EHD4: variants seen among roughly 807,000 people sequenced by gnomAD.
The protein encoded by EHD4 is EH domain containing 4, also known as EH domain-containing protein 4.
Under a neutral mutation model 51.0 loss-of-function variants are expected in EHD4, and 37 were observed. That is an observed-to-expected ratio of 0.73 (90% confidence interval 0.56 to 0.95). The LOEUF (loss-of-function observed/expected upper bound fraction) is 0.95, where lower values mean the gene tolerates loss of function less well. Among genes scored for constraint, EHD4 ranks in the 40% least tolerant of loss-of-function variants. EHD4 has a pLI of 0.00. For missense variants in EHD4, 632 were observed against 733.1 expected (o/e 0.86, Z 1.59); for synonymous variants, 297 against 317.3 (o/e 0.94, Z 0.68).
At chr15:41,912,307 G>A (rs1298289645) in intron 4 of EHD4, among the ~76,000 whole-genome samples, 1 of 152,104 alleles carries the variant, frequency 6.6e-6, no homozygotes, top group African/African-American at 2.4e-5. Flanking sequence ...CTCCTGTTAC[G>A]CTGCCTCTGC....
At position 41,919,598 on chromosome 15, in the gene EHD4, T is replaced by C; in HGVS notation, c.536A>G (p.Gln179Arg). 1.3e-6 allele frequency: 2 copies of C among 1,515,106 alleles called. No individual in the cohort carries two copies. The highest frequency in any genetic ancestry group is 1.8e-6 in the Non-Finnish European group (2 of 1,132,706). 93.9% of individuals were successfully genotyped at this position (1,515,106 alleles called of 1,614,324 possible). ...SRGYDFCQVLQWFAERVDRII... is the reference protein window; with the variant it reads ...SRGYDFCQVLRWFAERVDRII... ...CCTGTCCACCCTCTCGGCAAACCAC[T>C]GCAGGACCTGGCAGAAGTCATAGCC... Residue 179 changes from glutamine to arginine, a missense_variant, in exon 4 of 6, where the codon CAG becomes CGG. Gln to Arg is a conservative substitution (Grantham distance 43, BLOSUM62 1). Coordinates refer to ENST00000220325, the MANE Select transcript of EHD4 (RefSeq NM_139265.4).
rs142090451 is a variant in EHD4 at position 41,945,512 on chromosome 15, C to T, written c.414-2348G>A. On this transcript the variant is annotated intron_variant, in intron 2 of 5. Transcript: ENST00000220325. ...GAGGATGAGGAGCAGCAGGTGGAGG[C>T]GGAGGGAGAGCTTTGGCTGGGGCAC... Among the ~76,000 whole-genome samples, 554 of 152,188 alleles carry T rather than the reference C, an allele frequency of 3.6e-3. 4 individuals carry two copies. The highest frequency in any genetic ancestry group is 0.013 in the African/African-American group (538 of 41,510).
intron 3 of EHD4, among the ~76,000 whole-genome samples, chr15:41,931,477 C>A (rs1175722955): frequency 6.6e-6 from 1 of 152,096 alleles, no homozygotes; most frequent in East Asian, 1.9e-4. Flanking sequence ...CGTGCCACTG[C>A]ACTTCAGCCT....
chr15:41,959,863 G>A (rs765899267), intron 1 of EHD4, among the ~76,000 whole-genome samples: 4 of 151,818 alleles, frequency 2.6e-5, no homozygotes, highest in Non-Finnish European at 4.4e-5. Flanking sequence ...CCAGCTACTC[G>A]GGAGGATGAG....
chr15:41,952,994 C>A (rs78326214), intron 2 of EHD4, among the ~76,000 whole-genome samples: 8 of 102,942 alleles, frequency 7.8e-5, no homozygotes, highest in East Asian at 2.6e-4. Flanking sequence ...TATCTTCCCC[C>A]CCGCAAAAAA....
chr15:41,925,913 G>T (rs570095306), intron 3 of EHD4, among the ~76,000 whole-genome samples: 22 of 152,312 alleles, frequency 1.4e-4, no homozygotes, highest in Admixed American at 1.2e-3. Context: ...TGGCATAAGG[G>T]GTTAGAACAG....
chr15:41,925,083 T>C lies in EHD4; in HGVS notation c.512-5461A>G, dbSNP rs114360991. Among the ~76,000 whole-genome samples the C allele has an allele frequency of 4.6e-3, 681 of 147,884 alleles. 4 individuals carry two copies. Among genetic ancestry groups the C allele is most frequent in the African/African-American group, 0.016 (652 of 40,570 alleles). On this transcript the variant is annotated intron_variant, in intron 3 of 5. Transcript: ENST00000220325. ...TCAAAAAAAAAAAAAAAGGTGCATT[T>C]AATCATATGTTATACTTCAACAAAA... is the stretch of plus-strand genomic sequence containing the variant.
At chr15:41,913,075 A>T (rs2067560332) in intron 4 of EHD4, among the ~76,000 whole-genome samples, 1 of 152,152 alleles carries the variant, frequency 6.6e-6, no homozygotes, top group South Asian at 2.1e-4. Flanking sequence ...AGGGTCCTTT[A>T]TTCTCCCTTT....
In EHD4 at chr15:41,900,692, G is replaced by C. The variant is rs145578237; in HGVS notation, c.1579C>G (p.His527Asp). ...TTCCTGTGCGAGGGGGGCACGAGGT[G>C]GGGGGGCAGGCTGCTGGGCAGCTCG... Reference protein sequence around the residue: ...GYELPSSLPPHLVPPSHRKSL... With the variant: ...GYELPSSLPPDLVPPSHRKSL... The change falls in exon 6 of 6, where the codon CAC becomes GAC. Residue 527 changes from histidine (H) to aspartate (D), a missense_variant. Transcript: ENST00000220325. This position sits in a 1 kb window ranked among gnomAD's most constrained non-coding sequence, Gnocchi z 4.8. The C allele has an allele frequency of 5.6e-6, 9 of 1,605,348 alleles. No homozygotes were observed. Among genetic ancestry groups the C allele is most frequent in the East Asian group, 2.2e-5 (1 of 44,826 alleles).
intron 1 of EHD4, among the ~76,000 whole-genome samples, chr15:41,969,205 G>A (rs565827409): frequency 6.6e-6 from 1 of 152,270 alleles, no homozygotes; most frequent in African/African-American, 2.4e-5. Context: ...AAGTTTTCTG[G>A]GGAGAGGGAA....
chr15:41,931,402 A>T (rs2067697261), intron 3 of EHD4, among the ~76,000 whole-genome samples: 1 of 152,062 alleles, frequency 6.6e-6, no homozygotes, highest in African/African-American at 2.4e-5. Flanking sequence ...AGTCCCAGCT[A>T]CTCAGGAGGC....
intron 3 of EHD4, among the ~76,000 whole-genome samples, chr15:41,930,829 T>TA (rs894127596): frequency 9.2e-5 from 14 of 152,168 alleles, no homozygotes; most frequent in Non-Finnish European, 2.9e-5. Flanking sequence ...GGGCTCCTTA[T>TA]AAAAAAATGA....
intron 4 of EHD4, among the ~76,000 whole-genome samples, chr15:41,910,751 T>C (rs1277185391): frequency 6.6e-6 from 1 of 152,144 alleles, no homozygotes; most frequent in African/African-American, 2.4e-5. Flanking sequence ...GTATTTTTAG[T>C]AGAGACGGGG....
At chr15:41,905,135 C>A (rs191233811) in intron 5 of EHD4, among the ~76,000 whole-genome samples, 5 of 152,336 alleles carry the variant, frequency 3.3e-5, no homozygotes, top group Admixed American at 3.3e-4. Context: ...ACTTTAACAG[C>A]CTCAGGGATG....
chr15:41,913,032 C>G (rs1181474918), intron 4 of EHD4, among the ~76,000 whole-genome samples: 1 of 152,216 alleles, frequency 6.6e-6, no homozygotes, highest in Non-Finnish European at 1.5e-5. Flanking sequence ...GGTTTGACTT[C>G]TGCTCGTGCC....
rs570868200 is a variant in EHD4 at position 41,942,247 on chromosome 15, G to GT, written c.511+819dup. ...GAGATAGCAGGCCCACCGGTTTTTT[G>GT]TTTTTTTTTTTTTTTTTGAGACGGA... is the stretch of plus-strand genomic sequence containing the variant. On this transcript the variant is annotated intron_variant, in intron 3 of 5. Coordinates refer to ENST00000220325, the MANE Select transcript of EHD4 (RefSeq NM_139265.4). The GT allele has an allele frequency of 4.4e-3, 611 of 137,534 alleles. 1 individual carries two copies. Among genetic ancestry groups the GT allele is most frequent in the African/African-American group, 8.6e-3 (325 of 37,620 alleles). The allele number at this position is 137,534 out of a possible 1,614,324, so 8.5% of individuals were successfully genotyped here. A position where few individuals can be genotyped will look rare whatever the true frequency, so the allele number is the denominator to read the frequency against.
intron 1 of EHD4, among the ~76,000 whole-genome samples, chr15:41,959,652 T>A (rs990503163): frequency 5.9e-5 from 9 of 152,052 alleles, no homozygotes; most frequent in African/African-American, 1.9e-4. Flanking sequence ...CTGATTTGAT[T>A]TGAGCCTGGA....
intron 2 of EHD4, among the ~76,000 whole-genome samples, chr15:41,945,361 A>AG (rs1201594521): frequency 4.6e-5 from 7 of 152,224 alleles, no homozygotes; most frequent in African/African-American, 1.7e-4. Context: ...CACAGCTCCC[A>AG]GGCCTCCTGA....
Position 41,900,461 on chromosome 15 carries a change from C to T in EHD4, c.*184G>A. On this transcript the variant is annotated 3_prime_UTR_variant, in exon 6 of 6. Coordinates refer to ENST00000220325, the MANE Select transcript of EHD4 (RefSeq NM_139265.4). The surrounding 1 kb of genome is among the most constrained non-coding windows in gnomAD (Gnocchi z 4.8). ...CCTACCCCCAATATTTTCATAGAAA[C>T]TAAGGGAATTTTGGAGGTGAAAGAA... 2 of 627,360 alleles carry T rather than the reference C, an allele frequency of 3.2e-6. No homozygotes were observed. The highest frequency in any genetic ancestry group is 5.6e-5 in the East Asian group (2 of 35,668). 38.9% of individuals were successfully genotyped at this position (627,360 alleles called of 1,614,324 possible). A position where few individuals can be genotyped will look rare whatever the true frequency, so the allele number is the denominator to read the frequency against.
Sources: allele counts gnomAD v4.1 joint callset (sites outside exome capture counted in the v4.1 genomes callset), GRCh38; gene constraint gnomAD v4.1.1; non-coding constraint Gnocchi (gnomAD v3.1); transcripts MANE v1.5; gene names NCBI Gene and HGNC (gene_info 2026-07-23, HGNC 2026-07-21).